The following ST8SIA6 variants were observed in gnomAD, a reference collection of about 807,000 sequenced individuals.
ST8SIA6 encodes the protein alpha-2,8-sialyltransferase 8F.
Under a neutral mutation model 33.6 loss-of-function variants are expected in ST8SIA6, and 39 were observed. The ratio of observed to expected loss-of-function variants is 1.16; its 90% CI spans 0.90 to 1.52. The LOEUF (loss-of-function observed/expected upper bound fraction) is 1.52. Among genes scored for constraint, ST8SIA6 ranks in the 40% most tolerant of loss-of-function variants. The pLI is 0.00. For synonymous variants in ST8SIA6, 172 were observed against 167.2 expected (o/e 1.03, Z -0.22); for missense variants, 441 against 443.8 (o/e 0.99, Z 0.06).
At chr10:17,423,373 C>T (rs1183709110) in intron 2 of ST8SIA6, among the ~76,000 whole-genome samples, 6 of 152,192 alleles carry the variant, frequency 3.9e-5, no homozygotes, top group Non-Finnish European at 1.5e-5. Context: ...TCATTTCCTG[C>T]ACATAACTTA....
At chr10:17,328,515 G>A (rs912695217) in intron 5 of ST8SIA6, among the ~76,000 whole-genome samples, 2 of 152,142 alleles carry the variant, frequency 1.3e-5, no homozygotes, top group African/African-American at 4.8e-5. Context: ...TGAGCCCACG[G>A]CCAGGGTGCC....
chr10:17,363,747 A>C (rs1367417034), intron 3 of ST8SIA6, among the ~76,000 whole-genome samples: 1 of 152,210 alleles, frequency 6.6e-6, no homozygotes, highest in Admixed American at 6.5e-5. Flanking sequence ...AGGAATTGGC[A>C]AATTTGACAA....
chr10:17,426,621 G>T (rs555226831), intron 2 of ST8SIA6, among the ~76,000 whole-genome samples: 1 of 152,312 alleles, frequency 6.6e-6, no homozygotes, highest in South Asian at 2.1e-4. Flanking sequence ...AAATGTTCAG[G>T]CTGGCAGGTG....
intron 3 of ST8SIA6, among the ~76,000 whole-genome samples, chr10:17,388,903 G>A (rs1009190986): frequency 6.6e-6 from 1 of 152,100 alleles, no homozygotes; most frequent in Admixed American, 6.5e-5. Flanking sequence ...TACAGTTTAG[G>A]GGTCATGCAG....
chr10:17,441,447 G>A (rs942303795), intron 2 of ST8SIA6, among the ~76,000 whole-genome samples: 2 of 152,030 alleles, frequency 1.3e-5, no homozygotes, highest in African/African-American at 4.8e-5. Flanking sequence ...CAAGTAGCTC[G>A]GATGACAGGC....
intron 2 of ST8SIA6, among the ~76,000 whole-genome samples, chr10:17,403,833 C>T (rs1851140894): frequency 6.6e-6 from 1 of 152,038 alleles, no homozygotes; most frequent in Admixed American, 6.6e-5. Context: ...GAGGCCAAGG[C>T]AGGTGGATCA....
chr10:17,432,805 C>A (rs924406562), intron 2 of ST8SIA6, among the ~76,000 whole-genome samples: 4 of 152,186 alleles, frequency 2.6e-5, no homozygotes, highest in African/African-American at 9.7e-5. Context: ...GTGCCTATAA[C>A]AATAGCTGAG....
chr10:17,360,938 GGAAGAA>G (rs138842680), intron 3 of ST8SIA6, among the ~76,000 whole-genome samples: 1 of 148,558 alleles, frequency 6.7e-6, no homozygotes, highest in African/African-American at 2.5e-5. Context: ...AAGAGGAAAA[GGAAGAA>G]GAAGAAGAAG....
At chr10:17,379,051 G>T (rs113531575) in intron 3 of ST8SIA6, among the ~76,000 whole-genome samples, 2,009 of 151,920 alleles carry the variant, frequency 0.013, 22 homozygotes, top group Non-Finnish European at 0.022. Context: ...GCTTGAACCC[G>T]GGAGGCAGTG....
At position 17,359,559 on chromosome 10, in the gene ST8SIA6, T is replaced by C; in HGVS notation, c.332A>G (p.Gln111Arg). ...TGCTTGCCGTTTCCATGGACAACTC[T>C]GTATATCTGTGATAATCTGAAGGTA... ...NDYLQIITDI[Q>R]SCPWKRQAEE... Residue 111 changes from glutamine to arginine, a missense_variant, in exon 4 of 8, where the codon CAG becomes CGG. Coordinates refer to ENST00000377602, the MANE Select transcript of ST8SIA6 (RefSeq NM_001004470.3). The C allele has an allele frequency of 1.2e-6, 2 of 1,608,068 alleles. No homozygotes were observed. Among genetic ancestry groups the C allele is most frequent in the East Asian group, 2.2e-5 (1 of 44,592 alleles).
intron 3 of ST8SIA6, among the ~76,000 whole-genome samples, chr10:17,360,175 G>A (rs10752077): frequency 0.37 from 56,494 of 151,926 alleles, 10,755 homozygotes; most frequent in East Asian, 0.6. Context: ...ATCTCTCCCT[G>A]TCTGAAATTC....
chr10:17,342,038 A>G (rs911967108), intron 4 of ST8SIA6, among the ~76,000 whole-genome samples: 1 of 152,130 alleles, frequency 6.6e-6, no homozygotes, highest in African/African-American at 2.4e-5. Flanking sequence ...AGCCTCCAGA[A>G]CTGTGAGAAA....
chr10:17,379,136 ACAAAAAC>A (rs1850031055), intron 3 of ST8SIA6, among the ~76,000 whole-genome samples: 3 of 122,474 alleles, frequency 2.4e-5, no homozygotes, highest in African/African-American at 4.2e-5. Context: ...CAAAAAAAAA[ACAAAAAC>A]AAAAAAAACC....
intron 2 of ST8SIA6, among the ~76,000 whole-genome samples, chr10:17,405,294 C>T (rs1340267571): frequency 6.6e-6 from 1 of 151,848 alleles, no homozygotes; most frequent in Non-Finnish European, 1.5e-5. Flanking sequence ...TTGCCTGAGC[C>T]CAGGAGTTCA....
intron 2 of ST8SIA6, among the ~76,000 whole-genome samples, chr10:17,395,570 A>G (rs1850776315): frequency 6.6e-6 from 1 of 152,124 alleles, no homozygotes; most frequent in Non-Finnish European, 1.5e-5. Flanking sequence ...ATTTTATTCT[A>G]ATTTTCTGTT....
rs563169731 is a variant in ST8SIA6 at position 17,404,156 on chromosome 10, TACAC to T, written c.201-13540_201-13537del. On this transcript the variant is annotated intron_variant, in intron 2 of 7. Transcript: ENST00000377602. ...GCCATGTGTATTGTTTTAAGAAGTT[TACAC>T]ATGTGTCATCTCATTTCATTTACTT... Among the ~76,000 whole-genome samples the T allele has an allele frequency of 1.9e-4, 29 of 152,246 alleles. 1 individual carries two copies. In the South Asian group the frequency reaches 4.8e-3, roughly 25 times the overall value.
At chr10:17,325,352 AATAT>A (rs2131578253) in intron 6 of ST8SIA6, among the ~76,000 whole-genome samples, 1 of 147,318 alleles carries the variant, frequency 6.8e-6, no homozygotes, top group South Asian at 2.1e-4. Context: ...TATAATATGT[AATAT>A]ATAAATACTA....
At chr10:17,430,852 A>G (rs1852081707) in intron 2 of ST8SIA6, among the ~76,000 whole-genome samples, 1 of 152,064 alleles carries the variant, frequency 6.6e-6, no homozygotes, top group Non-Finnish European at 1.5e-5. Context: ...TGCTCTGCTG[A>G]TTATTCCTTT....
intron 6 of ST8SIA6, 103 bp downstream of exon 6, chr10:17,326,910 CA>C: frequency 1.3e-6 from 1 of 766,150 alleles, no homozygotes; most frequent in South Asian, 2.9e-5. Flanking sequence ...ACTTTTGTAA[CA>C]GAGCTCAAAG....
Sources: gnomAD v4.1 joint callset for allele counts (sites outside exome capture counted in the v4.1 genomes callset) on GRCh38, gnomAD v4.1.1 for gene constraint, MANE v1.5 for transcripts, NCBI Gene and HGNC (gene_info 2026-07-23, HGNC 2026-07-21) for gene names.